ARL13A: variants seen among roughly 807,000 people sequenced by gnomAD.
ARL13A encodes the protein ADP-ribosylation factor-like protein 13A.
ARL13A carries 16 observed loss-of-function variants against 19.1 expected under a neutral mutation model. The observed-to-expected ratio is 0.84, with a 90% confidence interval of 0.57 to 1.27. ARL13A has a LOEUF of 1.27. ARL13A is among the 50% of genes most tolerant of loss of function. The pLI, the probability that ARL13A is intolerant of heterozygous loss-of-function variation, is 0.00. For missense variants in ARL13A, 153 were observed against 186.4 expected, an observed-to-expected ratio of 0.82 and a Z score of 1.04; for synonymous variants, 69 against 71.3, an observed-to-expected ratio of 0.97 and a Z score of 0.17.
At position 100,985,795 on chromosome X, in the gene ARL13A, G is replaced by A. The variant is rs1187300701; in HGVS notation, c.259G>A (p.Ala87Thr). The A allele has an allele frequency of 8.3e-7, 1 of 1,211,609 alleles. No individual in the cohort carries two copies. ...CCGGGAAGCATGGCCAAACTACTAT[G>A]CACAGGCCCATGGGCTTGTTTTCGT... ...KGREAWPNYY[A>T]QAHGLVFVLD... The change falls in exon 4 of 8, where the codon GCA (alanine) becomes ACA (threonine). Residue 87 changes from alanine to threonine, a missense_variant. Coordinates refer to ENST00000450049, the MANE Select transcript of ARL13A (RefSeq NM_001162491.2).
intron 3 of ARL13A, among the ~76,000 whole-genome samples, chrX:100,981,300 G>A (rs886956285): frequency 8.9e-6 from 1 of 112,008 alleles, no homozygotes; most frequent in Non-Finnish European, 1.9e-5. Context: ...TGCTTCCTCC[G>A]TAAGTGCTGG....
rs2086006622 is a variant in ARL13A, at chrX:100,990,762, G to T, written c.*174G>T. 6.7e-6 allele frequency: 3 copies of T among 447,852 alleles called. No homozygotes were observed. Among genetic ancestry groups the T allele is most frequent in the African/African-American group, 2.5e-5 (1 of 39,712 alleles). The allele number at this position is 447,852 out of a possible 1,213,427, so 36.9% of individuals were successfully genotyped here. ...AAATACAGGGTTCATTTAGAAATAAGTATTTTTTTCTTTAAGGTTCTTAGG... is the reference window on the plus strand; with the variant it reads ...AAATACAGGGTTCATTTAGAAATAATTATTTTTTTCTTTAAGGTTCTTAGG... On this transcript the variant is annotated 3_prime_UTR_variant, in exon 8 of 8. Coordinates refer to ENST00000450049, the MANE Select transcript of ARL13A (RefSeq NM_001162491.2).
chrX:100,988,151 G>C (rs776652657), intron 6 of ARL13A, 42 bp from the exon 7 acceptor site: 1 of 1,067,466 alleles, frequency 9.4e-7, no homozygotes, highest in Non-Finnish European at 1.3e-6. Flanking sequence ...AGCTTGAAGT[G>C]TGTCCGTTTC....
rs747863342 is a variant in ARL13A at position 100,985,909 on chromosome X, A to G, written c.373A>G (p.Ile125Val). The change falls in exon 4 of 8, where the codon ATC becomes GTC. Residue 125 changes from isoleucine (I) to valine (V), a missense_variant. By Grantham distance (29) the Ile-to-Val change is conservative. Transcript: ENST00000450049. ...LSDKRVAGKP[I>V]LILANKQDKK... Reference sequence around the variant, plus strand: ...CGATAAAAGAGTGGCAGGGAAACCCATCTTAATGTAAGATTCTGCCTTTCT... The same window carrying G: ...CGATAAAAGAGTGGCAGGGAAACCCGTCTTAATGTAAGATTCTGCCTTTCT... The G allele has an allele frequency of 6.6e-6, 8 of 1,204,467 alleles. No individual in the cohort carries two copies. The South Asian group carries it at 1.4e-4, about 22-fold the overall frequency.
At chrX:100,989,255 T>C (rs1039137233) in intron 7 of ARL13A, among the ~76,000 whole-genome samples, 3 of 111,363 alleles carry the variant, frequency 2.7e-5, no homozygotes, top group African/African-American at 9.8e-5. Context: ...TGAAAGATAC[T>C]AGGTGGTTGT....
chrX:100,982,023 A>G (rs1448654387), intron 3 of ARL13A, among the ~76,000 whole-genome samples: 1 of 110,504 alleles, frequency 9.0e-6, no homozygotes, highest in African/African-American at 3.3e-5. Context: ...TGGCATGGTC[A>G]TGAAAGGCAA....
At chrX:100,977,587 G>A (rs764586313) in intron 3 of ARL13A, among the ~76,000 whole-genome samples, 1 of 110,007 alleles carries the variant, frequency 9.1e-6, no homozygotes, top group Non-Finnish European at 1.9e-5. Flanking sequence ...CACCATGTTG[G>A]CCAGGCTGGT....
chrX:100,982,275 G>T (rs1209004175), intron 3 of ARL13A, among the ~76,000 whole-genome samples: 1 of 110,386 alleles, frequency 9.1e-6, no homozygotes, highest in Non-Finnish European at 1.9e-5. Flanking sequence ...TGGATCACCT[G>T]AGGTCAGGAG....
chrX:100,970,283 G>T (rs761649033), intron 1 of ARL13A, among the ~76,000 whole-genome samples: 1 of 112,546 alleles, frequency 8.9e-6, no homozygotes, highest in East Asian at 2.8e-4. Flanking sequence ...TCTCCAGGAG[G>T]TCCTTATGGG....
chrX:100,980,707 G>A (rs758532816), intron 3 of ARL13A, among the ~76,000 whole-genome samples: 7 of 111,900 alleles, frequency 6.3e-5, no homozygotes, highest in Non-Finnish European at 1.1e-4. Flanking sequence ...CACACCTGAA[G>A]CCAGCACAAT....
Position 100,973,724 on chromosome X carries a change from T to C in ARL13A, c.35T>C (p.Leu12Pro), listed in dbSNP as rs867009010. 8.3e-7 allele frequency: 1 copy of C among 1,209,703 alleles called. No individual in the cohort carries two copies. The highest frequency in any genetic ancestry group is 1.7e-5 in the African/African-American group (1 of 57,309). ...CTTTTGTCCTCCTGCTGCTCTTGCCTAAGGACAACAGAAGAGACACGAAGG... is the reference window on the plus strand; with the variant it reads ...CTTTTGTCCTCCTGCTGCTCTTGCCCAAGGACAACAGAAGAGACACGAAGG... ...FRLLSSCCSC[L>P]RTTEETRRNV... Residue 12 changes from leucine (L) to proline (P), a missense_variant, in exon 2 of 8, where the codon CTA becomes CCA. By Grantham distance (98) the Leu-to-Pro change is moderately conservative. Coordinates refer to ENST00000450049, the MANE Select transcript of ARL13A (RefSeq NM_001162491.2).
At position 100,985,694 on chromosome X, in the gene ARL13A, T is replaced by C; in HGVS notation, c.158T>C (p.Met53Thr). 1 of 1,210,477 alleles carries C rather than the reference T, an allele frequency of 8.3e-7. No individual in the cohort carries two copies. The highest frequency in any genetic ancestry group is 1.1e-6 in the Non-Finnish European group (1 of 894,926). Residue 53 changes from methionine to threonine, a missense_variant, in exon 4 of 8, where the codon ATG becomes ACG. Coordinates refer to ENST00000450049, the MANE Select transcript of ARL13A (RefSeq NM_001162491.2). ...KLLPSKTDHC[M>T]KSELTTLLLD... ...CTTCCCAGTAAGACAGACCATTGCA[T>C]GAAATCGGAACTGACTACACTTTTG...
At chrX:100,976,305 T>C (rs968134833) in intron 3 of ARL13A, among the ~76,000 whole-genome samples, 6 of 110,624 alleles carry the variant, frequency 5.4e-5, no homozygotes, top group African/African-American at 1.6e-4. Context: ...GTATGCTATT[T>C]TGCCTGTGAG....
chrX:100,976,437 G>T (rs60097212), intron 3 of ARL13A, among the ~76,000 whole-genome samples: 4,931 of 110,952 alleles, frequency 0.044, 125 homozygotes, highest in East Asian at 0.19. Context: ...TCTATTGGTT[G>T]TGACTACATT....
intron 7 of ARL13A, among the ~76,000 whole-genome samples, chrX:100,989,758 CTGTCAATATTATAA>C (rs1426393261): frequency 1.8e-5 from 2 of 112,236 alleles, no homozygotes; most frequent in Non-Finnish European, 3.8e-5. Context: ...AGATTGTCAA[CTGTCAATATTATAA>C]TGTCATCTCA....
At chrX:100,978,124 T>C (rs1657366958) in intron 3 of ARL13A, among the ~76,000 whole-genome samples, 1 of 112,562 alleles carries the variant, frequency 8.9e-6, no homozygotes, top group Admixed American at 9.4e-5. Context: ...TGTATGAGGG[T>C]ACCCCTTTCT....
rs1449262160 is a variant in ARL13A, at chrX:100,990,385, A to T, written c.745-177A>T. 3 of 932,271 alleles carry T rather than the reference A, an allele frequency of 3.2e-6. No individual in the cohort carries two copies. The African/African-American group carries it at 6.2e-5, about 19-fold the overall frequency. 76.8% of individuals were successfully genotyped at this position (932,271 alleles called of 1,213,427 possible). On this transcript the variant is annotated intron_variant, in intron 7 of 7. Coordinates refer to ENST00000450049, the MANE Select transcript of ARL13A (RefSeq NM_001162491.2). ...AAAGTAAAGAGAAAAACAGAGGGAA[A>T]CCAAAAGAAACAGTTGATATCCCTC...
chrX:100,988,595 A>G (rs997809156), intron 7 of ARL13A: 1 of 911,628 alleles, frequency 1.1e-6, no homozygotes, highest in South Asian at 2.8e-5. Context: ...GAAAATTTAC[A>G]TAGGCCTTCC....
At chrX:100,985,420 C>G (rs1048974513) in intron 3 of ARL13A, among the ~76,000 whole-genome samples, 1 of 111,752 alleles carries the variant, frequency 8.9e-6, no homozygotes, top group African/African-American at 3.3e-5. Flanking sequence ...AGATAGCCCC[C>G]AAGTATGGGC....
Sources: allele counts gnomAD v4.1 joint callset (sites outside exome capture counted in the v4.1 genomes callset), GRCh38; gene constraint gnomAD v4.1.1; transcripts MANE v1.5; gene names NCBI Gene and HGNC (gene_info 2026-07-23, HGNC 2026-07-21).